The following MMP26 variants were observed in gnomAD, a reference collection of about 807,000 sequenced individuals.
MMP26 encodes the protein matrix metalloproteinase-26.
A neutral mutation model predicts 31.0 loss-of-function variants in MMP26; 33 were observed. The ratio of observed to expected loss-of-function variants is 1.06; its 90% confidence interval spans 0.81 to 1.42. The LOEUF (loss-of-function observed/expected upper bound fraction) is 1.42. Among genes scored for constraint, MMP26 ranks in the 40% most tolerant of loss-of-function variants. The pLI is 0.00. For synonymous variants in MMP26, 122 were observed against 114.9 expected (o/e 1.06, Z -0.40); for missense variants, 347 against 316.1 (o/e 1.10, Z -0.74).
chr11:4,849,810 G>A (rs774633931), intron 2 of MMP26, among the ~76,000 whole-genome samples: 15 of 151,654 alleles, frequency 9.9e-5, no homozygotes, highest in Non-Finnish European at 1.9e-4. Flanking sequence ...ACTTAACTTT[G>A]CTGTGTCCCT....
Position 4,821,542 on chromosome 11 carries a change from G to A in MMP26, c.-145+54201G>A, listed in dbSNP as rs147733457. On this transcript the variant is annotated intron_variant, in intron 2 of 7. Coordinates refer to ENST00000380390, the MANE Select transcript of MMP26 (RefSeq NM_021801.5). ...TTTTTGTCTCCTATATGTTGTTGCC[G>A]TCTCTGGAAATAGCATGATCCTGTT... 2,226 of 1,612,230 alleles carry A rather than the reference G, an allele frequency of 1.4e-3. 9 individuals carry two copies. The highest frequency in any genetic ancestry group is 6.8e-3 in the Middle Eastern group (41 of 6,042).
At position 4,894,235 on chromosome 11, in the gene MMP26, C is replaced by A. The variant is rs144936619; in HGVS notation, c.-144-93833C>A. ...TTTTATATCTGCTATTTCATTCAGT[C>A]TTCACATGGTAGTATTATTCCTGAT... On this transcript the variant is annotated intron_variant, in intron 2 of 7. Transcript: ENST00000380390. Among the ~76,000 whole-genome samples the A allele has an allele frequency of 5.0e-3, 761 of 152,148 alleles. 9 individuals are homozygous for A. The highest frequency in any genetic ancestry group is 0.016 in the African/African-American group (654 of 41,542).
At chr11:4,987,453 C>T (rs1846919985) in intron 2 of MMP26, among the ~76,000 whole-genome samples, 2 of 151,364 alleles carry the variant, frequency 1.3e-5, no homozygotes, top group Non-Finnish European at 2.9e-5. Flanking sequence ...GAGTCTCCCT[C>T]TGTCGCCCAG....
intron 2 of MMP26, among the ~76,000 whole-genome samples, chr11:4,805,218 G>A (rs1002859038): frequency 3.9e-5 from 6 of 152,174 alleles, no homozygotes; most frequent in Admixed American, 3.3e-4. Context: ...AGTTAGCTTT[G>A]AATCTAGGTC....
At chr11:4,926,895 T>A (rs1037177425) in intron 2 of MMP26, among the ~76,000 whole-genome samples, 1 of 152,208 alleles carries the variant, frequency 6.6e-6, no homozygotes, top group Non-Finnish European at 1.5e-5. Context: ...AATAAATGTA[T>A]GAGTGAATGG....
intron 2 of MMP26, among the ~76,000 whole-genome samples, chr11:4,955,963 T>A (rs150492970): frequency 1.2e-3 from 189 of 152,344 alleles, no homozygotes; most frequent in Non-Finnish European, 2.2e-3. Flanking sequence ...TTTCTGGACA[T>A]GTTATTTCTA....
chr11:4,770,044 A>G, intron 2 of MMP26: 1 of 615,904 alleles, frequency 1.6e-6, no homozygotes, highest in Non-Finnish European at 2.9e-6. Context: ...GGTCATAGAT[A>G]AGATCTGCAT....
intron 2 of MMP26, among the ~76,000 whole-genome samples, chr11:4,958,511 T>C (rs1203192826): frequency 6.6e-6 from 1 of 152,110 alleles, no homozygotes; most frequent in Non-Finnish European, 1.5e-5. Context: ...TTACTCTGCT[T>C]CTCTCTTTTC....
chr11:4,723,716 T>C (rs541158492), intron 1 of MMP26: 169 of 1,054,310 alleles, frequency 1.6e-4, no homozygotes, highest in Non-Finnish European at 2.4e-4. Flanking sequence ...TGGCCCAGAG[T>C]GTCCAGTTGC....
At chr11:4,755,853 T>C (rs1161041859) in intron 1 of MMP26, among the ~76,000 whole-genome samples, 2 of 151,950 alleles carry the variant, frequency 1.3e-5, no homozygotes, top group Non-Finnish European at 1.5e-5. Context: ...CTAGAGAGTA[T>C]ATAAAGAAAA....
chr11:4,941,345 A>G (rs1291242379), intron 2 of MMP26, among the ~76,000 whole-genome samples: 1 of 152,196 alleles, frequency 6.6e-6, no homozygotes, highest in Non-Finnish European at 1.5e-5. Flanking sequence ...TTATAATCTA[A>G]TTAGATATGT....
chr11:4,878,450 A>C (rs1456082855), intron 2 of MMP26, among the ~76,000 whole-genome samples: 2 of 152,260 alleles, frequency 1.3e-5, no homozygotes, highest in East Asian at 3.9e-4. Flanking sequence ...TAGCATGTGC[A>C]GAGTTTGAGA....
chr11:4,705,593 G>A (rs1847764589), intron 1 of MMP26, among the ~76,000 whole-genome samples: 1 of 152,226 alleles, frequency 6.6e-6, no homozygotes, highest in Non-Finnish European at 1.5e-5. Flanking sequence ...GGGGGAGAAA[G>A]AGACACTTAA....
chr11:4,850,148 T>C (rs974277199), intron 2 of MMP26, among the ~76,000 whole-genome samples: 1 of 152,206 alleles, frequency 6.6e-6, no homozygotes, highest in Admixed American at 6.5e-5. Flanking sequence ...TTTATTTTCC[T>C]AAGTGGTCTT....
chr11:4,723,940 A>G, intron 1 of MMP26: 1 of 819,748 alleles, frequency 1.2e-6, no homozygotes, highest in South Asian at 1.4e-5. Context: ...ATCTACCTCC[A>G]GGTTAAGGGG....
At chr11:4,721,795 T>C (rs769607100) in intron 1 of MMP26, among the ~76,000 whole-genome samples, 20 of 152,132 alleles carry the variant, frequency 1.3e-4, no homozygotes, top group Non-Finnish European at 2.4e-4. Flanking sequence ...TGACTTGGGG[T>C]TGGGTTCACA....
intron 1 of MMP26, among the ~76,000 whole-genome samples, chr11:4,759,691 GTGGGAGAGAAA>G (rs1564902856): frequency 2.0e-5 from 3 of 152,180 alleles, no homozygotes; most frequent in Non-Finnish European, 4.4e-5. Flanking sequence ...CCTATGATTA[GTGGGAGAGAAA>G]CAACTTCTAT....
chr11:4,980,162 A>T (rs913716732), intron 2 of MMP26, among the ~76,000 whole-genome samples: 1 of 152,058 alleles, frequency 6.6e-6, no homozygotes, highest in Non-Finnish European at 1.5e-5. Flanking sequence ...GCTTTTTTGC[A>T]TGTTTTATGA....
At chr11:4,804,184 A>C in intron 2 of MMP26, 1 of 1,614,188 alleles carries the variant, frequency 6.2e-7, no homozygotes, top group Non-Finnish European at 8.5e-7. Context: ...CAGCATGGCC[A>C]GAAAGAGGTA....
Sources: allele counts gnomAD v4.1 joint callset (sites outside exome capture counted in the v4.1 genomes callset), GRCh38; gene constraint gnomAD v4.1.1; transcripts MANE v1.5; gene names NCBI Gene and HGNC (gene_info 2026-07-23, HGNC 2026-07-21).